KCNG3: variants seen among roughly 807,000 people sequenced by gnomAD.
KCNG3 encodes potassium voltage-gated channel modifier subfamily G member 3, also known as voltage-gated potassium channel regulatory subunit KCNG3.
KCNG3 carries 15 observed loss-of-function variants against 29.0 expected under a neutral mutation model. That is an observed-to-expected ratio of 0.52 (90% CI 0.35 to 0.80). The LOEUF (loss-of-function observed/expected upper bound fraction) is 0.80. KCNG3 is among the 30% of genes least tolerant of loss of function. KCNG3 has a pLI of 0.01. For synonymous variants in KCNG3, 322 were observed against 248.9 expected (o/e 1.29, Z -2.76); for missense variants, 512 against 605.7 (o/e 0.85, Z 1.62).
intron 1 of KCNG3, among the ~76,000 whole-genome samples, chr2:42,490,923 A>C (rs1337324302): frequency 6.6e-6 from 1 of 152,172 alleles, no homozygotes; most frequent in Non-Finnish European, 1.5e-5. Flanking sequence ...CTCTGTAATG[A>C]GCAGCATCCT....
the KCNG3 span, among the ~76,000 whole-genome samples, chr2:42,410,326 G>T: frequency 2.4e-4 from 37 of 152,322 alleles, no homozygotes; most frequent in African/African-American, 8.2e-4. Context: ...ATTATCAGAA[G>T]TGGTACTGCT....
At chr2:42,482,984 G>A (rs925061637) in intron 1 of KCNG3, among the ~76,000 whole-genome samples, 3 of 152,060 alleles carry the variant, frequency 2.0e-5, no homozygotes, top group East Asian at 1.9e-4. Flanking sequence ...AGCCAGGCAC[G>A]GTGGTGTGTG....
the KCNG3 span, among the ~76,000 whole-genome samples, chr2:42,406,843 A>T: frequency 7.3e-5 from 11 of 151,344 alleles, 1 homozygote; most frequent in Admixed American, 4.6e-4. Flanking sequence ...AAAAAAAAAA[A>T]AGAAGGAGGC....
chr2:42,463,926 TA>T, intron 1 of KCNG3: 1 of 340,396 alleles, frequency 2.9e-6, no homozygotes, highest in South Asian at 2.4e-5. Flanking sequence ...TTATTAAGCC[TA>T]ATCCACAGCC....
chr2:42,411,537 C>T, the KCNG3 span, among the ~76,000 whole-genome samples: 1 of 152,054 alleles, frequency 6.6e-6, no homozygotes, highest in Admixed American at 6.6e-5. Flanking sequence ...GGCTGGAGTG[C>T]AGTAGCGTGA....
chr2:42,402,766 T>C, the KCNG3 span, among the ~76,000 whole-genome samples: 882 of 152,350 alleles, frequency 5.8e-3, 6 homozygotes, highest in African/African-American at 0.02. Context: ...TCTATTTGTT[T>C]ATTCTGTATC....
the KCNG3 span, among the ~76,000 whole-genome samples, chr2:42,419,439 G>A: frequency 4.6e-5 from 7 of 151,362 alleles, no homozygotes; most frequent in East Asian, 5.8e-4. Context: ...ATGGGGTTTC[G>A]CCATGTTGGT....
At chr2:42,479,401 T>C (rs1472507369) in intron 1 of KCNG3, among the ~76,000 whole-genome samples, 1 of 152,158 alleles carries the variant, frequency 6.6e-6, no homozygotes, top group African/African-American at 2.4e-5. Flanking sequence ...CCCAACACTT[T>C]GGGAGGCCAA....
the KCNG3 span, among the ~76,000 whole-genome samples, chr2:42,408,519 A>C: frequency 1.3e-5 from 2 of 152,022 alleles, no homozygotes; most frequent in Admixed American, 1.3e-4. Context: ...AGATTTTGGG[A>C]CAACCTACCT....
the KCNG3 span, among the ~76,000 whole-genome samples, chr2:42,425,724 A>G: frequency 4.6e-5 from 7 of 152,170 alleles, no homozygotes; most frequent in Non-Finnish European, 8.8e-5. Context: ...ACGGAGAAGA[A>G]GAGTAATTAA....
At chr2:42,392,824 C>T in the KCNG3 span, among the ~76,000 whole-genome samples, 1 of 151,876 alleles carries the variant, frequency 6.6e-6, no homozygotes, top group Non-Finnish European at 1.5e-5. Flanking sequence ...GGGATCCTTT[C>T]CTGAGGAAAG....
chr2:42,431,220 G>C, the KCNG3 span, among the ~76,000 whole-genome samples: 2 of 152,020 alleles, frequency 1.3e-5, no homozygotes, highest in African/African-American at 4.8e-5. Context: ...CTAATAATTG[G>C]GGATCCTGCT....
the KCNG3 span, among the ~76,000 whole-genome samples, chr2:42,406,974 G>A: frequency 6.6e-6 from 1 of 151,758 alleles, no homozygotes; most frequent in Non-Finnish European, 1.5e-5. Context: ...TGTAGCCAAC[G>A]CTTTTTAAAA....
chr2:42,434,036 A>G, the KCNG3 span, among the ~76,000 whole-genome samples: 1 of 152,224 alleles, frequency 6.6e-6, no homozygotes, highest in African/African-American at 2.4e-5. Context: ...CATAGATTAG[A>G]AGACTTAATA....
the KCNG3 span, among the ~76,000 whole-genome samples, chr2:42,421,305 AT>A: frequency 3.9e-5 from 6 of 152,326 alleles, no homozygotes; most frequent in Non-Finnish European, 8.8e-5. Flanking sequence ...TAAAGCATTT[AT>A]AATTCAGAAG....
chr2:42,472,045 A>T (rs1474670495), intron 1 of KCNG3, among the ~76,000 whole-genome samples: 1 of 152,220 alleles, frequency 6.6e-6, no homozygotes, highest in Non-Finnish European at 1.5e-5. Context: ...AATCAGTAGA[A>T]CTACTCTGGA....
At chr2:42,424,240 C>T in the KCNG3 span, among the ~76,000 whole-genome samples, 46 of 152,162 alleles carry the variant, frequency 3.0e-4, no homozygotes, top group African/African-American at 1.0e-3. Flanking sequence ...CATTTTTGTC[C>T]AAACATTCGT....
the KCNG3 span, among the ~76,000 whole-genome samples, chr2:42,395,181 GACAA>G: frequency 1.3e-5 from 2 of 152,322 alleles, no homozygotes; most frequent in African/African-American, 4.8e-5. Context: ...AGCCCATGGG[GACAA>G]ACAATGAACT....
the KCNG3 span, among the ~76,000 whole-genome samples, chr2:42,393,204 A>G: frequency 1.3e-5 from 2 of 151,946 alleles, no homozygotes; most frequent in Non-Finnish European, 2.9e-5. Context: ...GCAATAAGTG[A>G]TTATTATGAT....
Sources: gnomAD v4.1 joint callset for allele counts (sites outside exome capture counted in the v4.1 genomes callset) on GRCh38, gnomAD v4.1.1 for gene constraint, MANE v1.5 for transcripts, NCBI Gene and HGNC (gene_info 2026-07-23, HGNC 2026-07-21) for gene names.